Variants in TRIM24 observed in about 807,000 individuals in gnomAD.
The protein encoded by TRIM24 is tripartite motif containing 24.
Under a neutral mutation model 123.9 loss-of-function variants are expected in TRIM24, and 29 were observed. That is an observed-to-expected ratio of 0.23 (90% CI 0.17 to 0.32). TRIM24 has a LOEUF of 0.32. TRIM24 is among the 10% of genes least tolerant of loss of function. TRIM24 has a pLI of 1.00. For missense variants in TRIM24, 932 were observed against 1,295.3 expected (o/e 0.72, Z 4.31); for synonymous variants, 456 against 461.1 (o/e 0.99, Z 0.14).
At chr7:138,497,526 A>G (rs1207792765) in intron 1 of TRIM24, among the ~76,000 whole-genome samples, 1 of 147,780 alleles carries the variant, frequency 6.8e-6, no homozygotes, top group Non-Finnish European at 1.5e-5. Flanking sequence ...CCTCCCAAGT[A>G]GCTAGGATTA....
chr7:138,468,024 A>C (rs1203542121), intron 1 of TRIM24, among the ~76,000 whole-genome samples: 1 of 152,158 alleles, frequency 6.6e-6, no homozygotes, highest in Non-Finnish European at 1.5e-5. Flanking sequence ...ACTCCAATAC[A>C]ATATTGACTA....
chr7:138,500,563 CAAAA>C (rs773042715), intron 1 of TRIM24, among the ~76,000 whole-genome samples: 5 of 61,404 alleles, frequency 8.1e-5, no homozygotes, highest in African/African-American at 1.1e-4. Context: ...GACCTTGTTT[CAAAA>C]AAAAAAAAAA....
chr7:138,508,692 T>TGTGTGTGTGTGTGCGCGCGCGC lies in TRIM24; in HGVS notation c.483+4285_483+4286insTGTGTGTGTGTGCGCGCGCGCG, dbSNP rs1422176564. Among the ~76,000 whole-genome samples, 130 of 137,260 alleles carry TGTGTGTGTGTGTGCGCGCGCGC rather than the reference T, an allele frequency of 9.5e-4. 1 individual carries two copies. The highest frequency in any genetic ancestry group is 3.4e-3 in the African/African-American group (124 of 36,368). 90.0% of individuals were successfully genotyped at this position (137,260 alleles called of 152,430 possible). A position where few individuals can be genotyped will look rare whatever the true frequency, so the allele number is the denominator to read the frequency against. On this transcript the variant is annotated intron_variant, in intron 2 of 18. Transcript: ENST00000343526. ...GTGTGTGTGTGTGTGTGTGTGTGTG[T>TGTGTGTGTGTGTGCGCGCGCGC]GCGCGCGCGTGTGTGCGTGTGTGTG...
chr7:138,498,897 G>A (rs1009716213), intron 1 of TRIM24, among the ~76,000 whole-genome samples: 1 of 152,140 alleles, frequency 6.6e-6, no homozygotes, highest in African/African-American at 2.4e-5. Flanking sequence ...GCCTCCCAAA[G>A]TGTTGGGATT....
intron 13 of TRIM24, among the ~76,000 whole-genome samples, chr7:138,576,794 G>T (rs915131011): frequency 6.6e-6 from 1 of 152,164 alleles, no homozygotes; most frequent in Admixed American, 6.5e-5. Flanking sequence ...GATCTCTAAT[G>T]ACTAAATGTT....
intron 5 of TRIM24, 40 bp from the exon 6 acceptor site, chr7:138,529,075 CA>C (rs767143439): frequency 7.1e-6 from 9 of 1,273,554 alleles, no homozygotes; most frequent in South Asian, 3.1e-5. Context: ...AAATATTATA[CA>C]AAAAAACTGC....
chr7:138,472,028 A>C (rs1371819629), intron 1 of TRIM24, among the ~76,000 whole-genome samples: 1 of 152,138 alleles, frequency 6.6e-6, no homozygotes, highest in Non-Finnish European at 1.5e-5. Context: ...AAAAGAAAAA[A>C]AACCAACCAT....
chr7:138,554,616 T>C lies in TRIM24; in HGVS notation c.1262-82T>C. The C allele has an allele frequency of 6.8e-7, 1 of 1,479,056 alleles. No homozygotes were observed. The highest frequency in any genetic ancestry group is 9.2e-7 in the Non-Finnish European group (1 of 1,089,524). The allele number at this position is 1,479,056 out of a possible 1,614,324, so 91.6% of individuals were successfully genotyped here. ...GAGAATTTCTTGGCAATTTTGAAGT[T>C]CTGCAAAAATAGCTTTAGAAAATGT... On this transcript the variant is annotated intron_variant, in intron 8 of 18. Transcript: ENST00000343526. The surrounding 1 kb of genome is among the most constrained non-coding windows in gnomAD (Gnocchi z 4.5).
intron 9 of TRIM24, among the ~76,000 whole-genome samples, chr7:138,564,243 T>A (rs1227324622): frequency 2.0e-5 from 3 of 152,128 alleles, no homozygotes; most frequent in Admixed American, 2.0e-4. Flanking sequence ...CGTGTCTCCC[T>A]AAGAGGCATT....
intron 12 of TRIM24, among the ~76,000 whole-genome samples, chr7:138,574,854 C>A (rs917616121): frequency 6.6e-6 from 1 of 152,128 alleles, no homozygotes; most frequent in Non-Finnish European, 1.5e-5. Flanking sequence ...TGTATGTACC[C>A]TTGAACCTAG....
At chr7:138,562,712 C>T (rs1487120065) in intron 9 of TRIM24, among the ~76,000 whole-genome samples, 1 of 152,216 alleles carries the variant, frequency 6.6e-6, no homozygotes, top group Non-Finnish European at 1.5e-5. Flanking sequence ...TCAGCCCATA[C>T]TCCAGGAATT....
intron 1 of TRIM24, among the ~76,000 whole-genome samples, chr7:138,467,354 GT>G (rs1186205352): frequency 1.3e-5 from 2 of 151,946 alleles, no homozygotes; most frequent in Non-Finnish European, 2.9e-5. Flanking sequence ...GTTTTGTTTT[GT>G]TTTTTTGAGA....
At chr7:138,531,218 TTACA>T (rs1002741434) in intron 6 of TRIM24, among the ~76,000 whole-genome samples, 12 of 147,354 alleles carry the variant, frequency 8.1e-5, no homozygotes, top group African/African-American at 1.4e-4. Flanking sequence ...TACGTGTATG[TTACA>T]TACGTATACA....
intron 2 of TRIM24, chr7:138,514,899 A>T: frequency 4.5e-6 from 1 of 221,370 alleles, no homozygotes; most frequent in South Asian, 1.1e-4. Context: ...TGTAGTTATC[A>T]TAAGGGCAGC....
chr7:138,460,805 A>G lies in TRIM24; in HGVS notation c.257A>G (p.Gln86Arg), dbSNP rs1303436318. 1 of 1,581,106 alleles carries G rather than the reference A, an allele frequency of 6.3e-7. No homozygotes were observed. The highest frequency in any genetic ancestry group is 8.6e-7 in the Non-Finnish European group (1 of 1,167,476). The change falls in exon 1 of 19, where the codon CAG becomes CGG. Residue 86 changes from glutamine (Q) to arginine (R), a missense_variant. Physicochemically the swap from Gln to Arg is conservative, Grantham distance 43 (BLOSUM62 1). This residue lies in a region of TRIM24 where 164 missense variants were observed against 181.9 expected (regional missense o/e 0.90). Transcript: ENST00000343526. ...TGCCAGCGCTGCCTGCCCGCGCCCC[A>G]GCGCTACCTCATGCTGCCCGCGCCC... ...SFCQRCLPAP[Q>R]RYLMLPAPML...
chr7:138,496,701 A>G (rs1050102766), intron 1 of TRIM24, among the ~76,000 whole-genome samples: 1 of 151,736 alleles, frequency 6.6e-6, no homozygotes, highest in Admixed American at 6.6e-5. Flanking sequence ...AGATCTCACT[A>G]TGTGGCCCAG....
At chr7:138,545,208 T>C (rs1797078079) in intron 7 of TRIM24, among the ~76,000 whole-genome samples, 1 of 152,026 alleles carries the variant, frequency 6.6e-6, no homozygotes, top group East Asian at 1.9e-4. Context: ...ACATAAAAAC[T>C]ATCAAGAATC....
intron 7 of TRIM24, among the ~76,000 whole-genome samples, chr7:138,539,925 C>T (rs1290793463): frequency 6.6e-6 from 1 of 151,864 alleles, no homozygotes; most frequent in Non-Finnish European, 1.5e-5. Context: ...CTCAGCCTCC[C>T]GAGTAGCTGG....
At chr7:138,572,338 T>G (rs1245052840) in intron 11 of TRIM24, among the ~76,000 whole-genome samples, 2 of 152,238 alleles carry the variant, frequency 1.3e-5, no homozygotes, top group African/African-American at 2.4e-5. Flanking sequence ...TTAGTCATTC[T>G]AGTACTTTTT....
Sources: allele counts gnomAD v4.1 joint callset (sites outside exome capture counted in the v4.1 genomes callset), GRCh38; gene constraint gnomAD v4.1.1; regional missense constraint gnomAD v4.1.1; non-coding constraint Gnocchi (gnomAD v3.1); transcripts MANE v1.5; gene names NCBI Gene and HGNC (gene_info 2026-07-23, HGNC 2026-07-21).